MPP7: variants seen among roughly 807,000 people sequenced by gnomAD.
MPP7 encodes the protein MAGUK p55 subfamily member 7.
MPP7 carries 60 observed loss-of-function variants against 76.5 expected under a neutral mutation model. That is an observed-to-expected ratio of 0.78 (90% CI 0.64 to 0.97). MPP7 has a LOEUF of 0.97. MPP7 is among the 50% of genes least tolerant of loss of function. MPP7 has a pLI of 0.00. For missense variants in MPP7, 641 were observed against 694.0 expected, an observed-to-expected ratio of 0.92 and a Z score of 0.86; for synonymous variants, 237 against 244.5, an observed-to-expected ratio of 0.97 and a Z score of 0.29.
rs1017963906 is a variant in MPP7 at position 28,054,007 on chromosome 10, T to C, written c.*58A>G. 1.5e-6 allele frequency: 2 copies of C among 1,321,130 alleles called. No individual in the cohort carries two copies. Among genetic ancestry groups the C allele is most frequent in the Non-Finnish European group, 2.1e-6 (2 of 930,246 alleles). 81.8% of individuals were successfully genotyped at this position (1,321,130 alleles called of 1,614,324 possible). On this transcript the variant is annotated 3_prime_UTR_variant, in exon 17 of 17. Coordinates refer to ENST00000683449, the MANE Select transcript of MPP7 (RefSeq NM_001318170.2). The stretch of plus-strand genomic sequence containing the variant: ...GATTTAAAAACCCTACTACCAAAAC[T>C]GTAATTGATTTCATCATGCACTCTA...
chr10:28,158,881 G>C (rs764379188), intron 3 of MPP7, among the ~76,000 whole-genome samples: 1 of 152,142 alleles, frequency 6.6e-6, no homozygotes, highest in Non-Finnish European at 1.5e-5. Context: ...GCCAACTTCT[G>C]TCTCCCTGTC....
At chr10:28,225,320 A>T (rs11006928) in intron 2 of MPP7, among the ~76,000 whole-genome samples, 12,678 of 152,254 alleles carry the variant, frequency 0.083, 1,044 homozygotes, top group East Asian at 0.41. Context: ...AAAAATTGAT[A>T]AACTGAACAT....
chr10:28,173,322 G>A (rs1277755465), intron 3 of MPP7, among the ~76,000 whole-genome samples: 5 of 151,570 alleles, frequency 3.3e-5, no homozygotes, highest in Admixed American at 6.6e-5. Flanking sequence ...CCATTATCAC[G>A]GATCTACCCA....
chr10:28,333,145 T>G (rs1489140074), intron 1 of MPP7, among the ~76,000 whole-genome samples: 6 of 152,164 alleles, frequency 3.9e-5, no homozygotes, highest in African/African-American at 9.7e-5. Flanking sequence ...TAATTCTTTT[T>G]ATTTATTTAT....
At chr10:28,120,740 G>C in intron 8 of MPP7, 72 bp from the exon 9 acceptor site, 1 of 1,184,410 alleles carries the variant, frequency 8.4e-7, no homozygotes. Flanking sequence ...TAGGTAGAAA[G>C]TGAAATGCAT....
At chr10:28,128,924 C>T (rs1321324825) in intron 6 of MPP7, among the ~76,000 whole-genome samples, 1 of 152,170 alleles carries the variant, frequency 6.6e-6, no homozygotes, top group Non-Finnish European at 1.5e-5. Flanking sequence ...CACTCCAACG[C>T]ATAAGGGTCT....
intron 11 of MPP7, among the ~76,000 whole-genome samples, chr10:28,090,676 T>C (rs1384868345): frequency 1.3e-5 from 2 of 152,224 alleles, no homozygotes; most frequent in Admixed American, 1.3e-4. Context: ...TAGTGTAGCG[T>C]GTGCTTATGC....
intron 2 of MPP7, among the ~76,000 whole-genome samples, chr10:28,226,722 A>AAAG: frequency 6.6e-6 from 1 of 152,244 alleles, no homozygotes; most frequent in Non-Finnish European, 1.5e-5. Context: ...TCTCAATAAG[A>AAAG]AAATCTTAAA....
chr10:28,302,378 C>T (rs1453130597), intron 1 of MPP7, among the ~76,000 whole-genome samples: 1 of 150,932 alleles, frequency 6.6e-6, no homozygotes, highest in Non-Finnish European at 1.5e-5. Context: ...GATTACACGG[C>T]CAAACGCCTG....
Position 28,098,666 on chromosome 10 carries a change from G to A in MPP7, c.953-8825C>T, listed in dbSNP as rs73606057. Among the ~76,000 whole-genome samples the A allele has an allele frequency of 8.3e-3, 1,259 of 151,956 alleles. 16 individuals are homozygous for A. Among genetic ancestry groups the A allele is most frequent in the African/African-American group, 0.029 (1,203 of 41,504 alleles). ...TGTAGTTGTGTGGTTATATCAGCAC[G>A]TAACACAAAATACATATTGGTTATG... On this transcript the variant is annotated intron_variant, in intron 11 of 16. Transcript: ENST00000683449.
rs1033155509 is a variant in MPP7, at chr10:28,265,798, C to G, written c.-131-27063G>C. 2.0e-5 allele frequency among the ~76,000 whole-genome samples: 3 copies of G among 152,014 alleles called. No individual in the cohort carries two copies. The East Asian group carries it at 5.8e-4, about 29-fold the overall frequency. ...TGAAATCCAATAAGCAGAGTAAGTGCAGAGGAAAGGGAAAGAATGGGTTTT... is the reference window on the plus strand; with the variant it reads ...TGAAATCCAATAAGCAGAGTAAGTGGAGAGGAAAGGGAAAGAATGGGTTTT... On this transcript the variant is annotated intron_variant, in intron 1 of 16. Coordinates refer to ENST00000683449, the MANE Select transcript of MPP7 (RefSeq NM_001318170.2).
chr10:28,081,768 C>CTT (rs527520547), intron 12 of MPP7, among the ~76,000 whole-genome samples: 4,210 of 143,822 alleles, frequency 0.029, 205 homozygotes, highest in African/African-American at 0.098. Flanking sequence ...AAATTATTCT[C>CTT]TTTTTTTTTT....
At chr10:28,284,307 TC>T (rs1322353115) in intron 1 of MPP7, among the ~76,000 whole-genome samples, 2 of 152,148 alleles carry the variant, frequency 1.3e-5, no homozygotes, top group Admixed American at 1.3e-4. Flanking sequence ...ATTTATATAA[TC>T]TTCTGTTGTC....
intron 13 of MPP7, among the ~76,000 whole-genome samples, chr10:28,060,290 A>C (rs1851727129): frequency 6.6e-6 from 1 of 152,176 alleles, no homozygotes; most frequent in Admixed American, 6.5e-5. Context: ...TTAGAATACT[A>C]TTGAACTTCT....
intron 1 of MPP7, among the ~76,000 whole-genome samples, chr10:28,299,770 T>C (rs957282448): frequency 6.7e-6 from 1 of 149,936 alleles, no homozygotes; most frequent in Non-Finnish European, 1.5e-5. Flanking sequence ...TCAAGACTTT[T>C]TTTTTTTTTT....
At chr10:28,060,490 G>A (rs6481498) in intron 13 of MPP7, among the ~76,000 whole-genome samples, 85 of 152,222 alleles carry the variant, frequency 5.6e-4, no homozygotes, top group Non-Finnish European at 1.0e-3. Flanking sequence ...GAAACTACCC[G>A]AACACTTTGA....
chr10:28,111,345 C>T (rs1196568211), intron 11 of MPP7, among the ~76,000 whole-genome samples: 2 of 152,158 alleles, frequency 1.3e-5, no homozygotes, highest in African/African-American at 2.4e-5. Context: ...TTAGGCTGCA[C>T]TGCAGCCTTG....
chr10:28,319,518 A>G (rs1325986176), intron 2 of MPP7, among the ~76,000 whole-genome samples: 2 of 151,948 alleles, frequency 1.3e-5, no homozygotes, highest in African/African-American at 2.4e-5. Flanking sequence ...CTCTACAAAA[A>G]AATACAAAAA....
At chr10:28,260,598 C>G (rs1305248699) in intron 1 of MPP7, among the ~76,000 whole-genome samples, 2 of 151,676 alleles carry the variant, frequency 1.3e-5, no homozygotes, top group African/African-American at 4.8e-5. Context: ...AGGGCAAAAC[C>G]CTGTCTCTAC....
Sources: gnomAD v4.1 joint callset for allele counts (sites outside exome capture counted in the v4.1 genomes callset) on GRCh38, gnomAD v4.1.1 for gene constraint, MANE v1.5 for transcripts, NCBI Gene and HGNC (gene_info 2026-07-23, HGNC 2026-07-21) for gene names.